PTPRD: variants seen among roughly 807,000 people sequenced by gnomAD.
PTPRD encodes the protein protein tyrosine phosphatase receptor type D.
PTPRD carries 34 observed loss-of-function variants against 214.5 expected under a neutral mutation model. That is an observed-to-expected ratio of 0.16 (90% CI 0.12 to 0.21). The LOEUF (loss-of-function observed/expected upper bound fraction) is 0.21. PTPRD is among the 10% of genes least tolerant of loss of function. The pLI, the probability that PTPRD is intolerant of heterozygous loss-of-function variation, is 1.00. For missense variants in PTPRD, 2,545 were observed against 2,398.7 expected (o/e 1.06, Z -1.27); for synonymous variants, 1,128 against 845.7 (o/e 1.33, Z -5.79).
chr9:10,182,216 T>G (rs1306520082), intron 3 of PTPRD, among the ~76,000 whole-genome samples: 3 of 132,084 alleles, frequency 2.3e-5, no homozygotes, highest in Non-Finnish European at 4.6e-5. Flanking sequence ...GCTGAGATCA[T>G]GCCATCTTGT....
chr9:10,078,952 G>A (rs772024196), intron 3 of PTPRD, among the ~76,000 whole-genome samples: 1 of 152,070 alleles, frequency 6.6e-6, no homozygotes, highest in Non-Finnish European at 1.5e-5. Context: ...ACATTATCCA[G>A]CTTAAATCTA....
At chr9:9,278,704 C>T (rs747976129) in intron 9 of PTPRD, among the ~76,000 whole-genome samples, 22 of 151,314 alleles carry the variant, frequency 1.5e-4, no homozygotes, top group Non-Finnish European at 5.9e-5. Context: ...GTCAGTCAGA[C>T]CTGCGGAATT....
chr9:9,986,938 A>C (rs1413449402), intron 4 of PTPRD, among the ~76,000 whole-genome samples: 1 of 152,140 alleles, frequency 6.6e-6, no homozygotes, highest in Non-Finnish European at 1.5e-5. Context: ...TAGAATTCTG[A>C]ATATTTAAAC....
At chr9:9,217,530 T>C (rs762648512) in intron 9 of PTPRD, among the ~76,000 whole-genome samples, 1 of 152,084 alleles carries the variant, frequency 6.6e-6, no homozygotes, top group Admixed American at 6.6e-5. Context: ...CATCTGGGAG[T>C]ATATTGGCTA....
chr9:10,142,502 C>T (rs1255903799), intron 3 of PTPRD, among the ~76,000 whole-genome samples: 2 of 152,086 alleles, frequency 1.3e-5, no homozygotes, highest in African/African-American at 2.4e-5. Flanking sequence ...GACATTTATG[C>T]ATCCAAAAAA....
intron 3 of PTPRD, among the ~76,000 whole-genome samples, chr9:10,059,467 G>A (rs1340081056): frequency 6.6e-6 from 1 of 152,072 alleles, no homozygotes; most frequent in Non-Finnish European, 1.5e-5. Context: ...ATGCAAAGGG[G>A]TAAATCACTT....
chr9:8,453,488 G>C (rs981668268), intron 33 of PTPRD, among the ~76,000 whole-genome samples: 5 of 152,300 alleles, frequency 3.3e-5, no homozygotes, highest in Admixed American at 1.3e-4. Flanking sequence ...TTTTAAGTGA[G>C]TTTAAAGTGT....
intron 10 of PTPRD, among the ~76,000 whole-genome samples, chr9:9,165,377 GT>G (rs1279210488): frequency 6.6e-6 from 1 of 152,170 alleles, no homozygotes; most frequent in East Asian, 1.9e-4. Flanking sequence ...AGAGAATTAG[GT>G]CTTCTCCGGA....
At chr9:10,164,320 A>T (rs900263495) in intron 3 of PTPRD, among the ~76,000 whole-genome samples, 2 of 151,606 alleles carry the variant, frequency 1.3e-5, no homozygotes, top group African/African-American at 4.8e-5. Flanking sequence ...CAATTTATTG[A>T]ATCAATTAAT....
chr9:8,580,132 A>G (rs1310015564), intron 14 of PTPRD, among the ~76,000 whole-genome samples: 1 of 152,242 alleles, frequency 6.6e-6, no homozygotes, highest in Non-Finnish European at 1.5e-5. Context: ...TTAAGACAGA[A>G]TATACGAAAC....
intron 5 of PTPRD, among the ~76,000 whole-genome samples, chr9:9,868,843 AG>A (rs2064699278): frequency 6.6e-6 from 1 of 152,134 alleles, no homozygotes; most frequent in Non-Finnish European, 1.5e-5. Flanking sequence ...AGATTCTAAA[AG>A]TTGATAGAGA....
At chr9:9,327,561 T>C (rs183863880) in intron 9 of PTPRD, among the ~76,000 whole-genome samples, 225 of 152,274 alleles carry the variant, frequency 1.5e-3, no homozygotes, top group African/African-American at 5.1e-3. Flanking sequence ...TAAACAGCCA[T>C]ATCCATGACA....
At chr9:10,483,914 C>T (rs891085511) in intron 2 of PTPRD, among the ~76,000 whole-genome samples, 1 of 152,094 alleles carries the variant, frequency 6.6e-6, no homozygotes, top group Non-Finnish European at 1.5e-5. Flanking sequence ...ACTGAGCAAA[C>T]CCACTACTGC....
chr9:9,400,504 C>T (rs2069902309), intron 8 of PTPRD, among the ~76,000 whole-genome samples: 2 of 151,884 alleles, frequency 1.3e-5, no homozygotes, highest in Non-Finnish European at 2.9e-5. Flanking sequence ...GGATCTAATT[C>T]GCTACCTTTA....
intron 35 of PTPRD, among the ~76,000 whole-genome samples, chr9:8,417,826 A>C (rs1176524446): frequency 1.3e-5 from 2 of 152,196 alleles, no homozygotes; most frequent in Non-Finnish European, 2.9e-5. Context: ...CTTGTGTCCA[A>C]AGAAAAAGCT....
chr9:9,988,749 G>C (rs575250545), intron 4 of PTPRD, among the ~76,000 whole-genome samples: 3 of 151,826 alleles, frequency 2.0e-5, no homozygotes, highest in African/African-American at 7.3e-5. Flanking sequence ...TCTAAAAAGT[G>C]TATTAAGTAA....
intron 8 of PTPRD, among the ~76,000 whole-genome samples, chr9:9,399,442 C>T (rs1252784548): frequency 2.0e-5 from 3 of 151,966 alleles, no homozygotes; most frequent in East Asian, 1.9e-4. Flanking sequence ...AAAGACACCC[C>T]TACAGTAGAA....
At chr9:10,096,425 G>A (rs551248260) in intron 3 of PTPRD, among the ~76,000 whole-genome samples, 5 of 151,806 alleles carry the variant, frequency 3.3e-5, no homozygotes, top group East Asian at 2.0e-4. Flanking sequence ...TTTAATGATC[G>A]CCATTCTAAC....
intron 7 of PTPRD, among the ~76,000 whole-genome samples, chr9:9,694,419 C>T (rs1290127686): frequency 1.3e-5 from 2 of 151,956 alleles, no homozygotes; most frequent in Non-Finnish European, 2.9e-5. Context: ...TGGAGTCTCT[C>T]TCTCTGTAGT....
Sources: gnomAD v4.1 joint callset for allele counts (sites outside exome capture counted in the v4.1 genomes callset) on GRCh38, gnomAD v4.1.1 for gene constraint, MANE v1.5 for transcripts, NCBI Gene and HGNC (gene_info 2026-07-23, HGNC 2026-07-21) for gene names.